Variants in MPPED1 observed in about 807,000 individuals in gnomAD.
MPPED1 encodes metallophosphoesterase domain-containing protein 1.
Under a neutral mutation model 36.2 loss-of-function variants are expected in MPPED1, and 16 were observed. The ratio of observed to expected loss-of-function variants is 0.44; its 90% CI spans 0.30 to 0.67. MPPED1 has a LOEUF of 0.67. MPPED1 is among the 30% of genes least tolerant of loss of function. The pLI is 0.10. For synonymous variants in MPPED1, 199 were observed against 191.3 expected (o/e 1.04, Z -0.33); for missense variants, 307 against 453.4 (o/e 0.68, Z 2.93).
At chr22:43,492,672 C>A (rs1569087554) in intron 4 of MPPED1, among the ~76,000 whole-genome samples, 1 of 152,192 alleles carries the variant, frequency 6.6e-6, no homozygotes. Context: ...CCCAGGCCCC[C>A]ACCTGTGCAA....
chr22:43,494,079 G>A (rs1932182887), intron 4 of MPPED1, among the ~76,000 whole-genome samples: 1 of 152,156 alleles, frequency 6.6e-6, no homozygotes, highest in South Asian at 2.1e-4. Context: ...TGTTGCCCAG[G>A]CTGGAGTGCA....
intron 1 of MPPED1, among the ~76,000 whole-genome samples, chr22:43,413,789 C>T (rs1380890495): frequency 6.6e-6 from 1 of 152,200 alleles, no homozygotes; most frequent in Non-Finnish European, 1.5e-5. Flanking sequence ...ACTGGAGGTA[C>T]ATTAATTGGG....
intron 3 of MPPED1, among the ~76,000 whole-genome samples, chr22:43,447,584 TA>T (rs1210218780): frequency 1.7e-4 from 26 of 151,824 alleles, no homozygotes; most frequent in Non-Finnish European, 2.9e-5. Flanking sequence ...GATCGCCACT[TA>T]GAGAGAGTGG....
At chr22:43,503,481 G>T (rs55813366) in intron 6 of MPPED1, among the ~76,000 whole-genome samples, 81,863 of 151,998 alleles carry the variant, frequency 0.54, 23,737 homozygotes, top group African/African-American at 0.72. Flanking sequence ...CCTGGCCTCC[G>T]GAACCTGTGT....
intron 2 of MPPED1, among the ~76,000 whole-genome samples, chr22:43,425,956 G>A (rs146073562): frequency 2.6e-5 from 4 of 152,288 alleles, no homozygotes; most frequent in Non-Finnish European, 5.9e-5. Flanking sequence ...TGGATTTCCC[G>A]AGGACCTGGA....
At chr22:43,468,026 G>A (rs1440855838) in intron 3 of MPPED1, among the ~76,000 whole-genome samples, 3 of 152,312 alleles carry the variant, frequency 2.0e-5, no homozygotes, top group East Asian at 1.9e-4. Context: ...CCTCTGCCCC[G>A]TGCGGCAGCT....
chr22:43,443,646 T>C (rs1250486414), intron 3 of MPPED1, among the ~76,000 whole-genome samples: 1 of 151,910 alleles, frequency 6.6e-6, no homozygotes. Flanking sequence ...GAAGACAAAT[T>C]TTATGATGTG....
At chr22:43,415,090 G>A (rs923669330) in intron 1 of MPPED1, among the ~76,000 whole-genome samples, 4 of 152,040 alleles carry the variant, frequency 2.6e-5, no homozygotes, top group East Asian at 1.9e-4. Context: ...GGGGCACTCC[G>A]AAAGCCATTC....
At chr22:43,478,430 G>A (rs1016986814) in intron 4 of MPPED1, among the ~76,000 whole-genome samples, 6 of 152,190 alleles carry the variant, frequency 3.9e-5, no homozygotes, top group Non-Finnish European at 8.8e-5. Flanking sequence ...TTACGTTCTC[G>A]TGGGAGACAG....
chr22:43,447,422 T>C (rs1165362338), intron 3 of MPPED1, among the ~76,000 whole-genome samples: 1 of 152,104 alleles, frequency 6.6e-6, no homozygotes, highest in African/African-American at 2.4e-5. Context: ...ATTAAAATAC[T>C]GTGTCCCCGC....
intron 5 of MPPED1, among the ~76,000 whole-genome samples, chr22:43,499,974 G>GTGGTGATGGTGA (rs1412067465): frequency 1.8e-5 from 2 of 113,054 alleles, no homozygotes. Flanking sequence ...GGTGATGGGG[G>GTGGTGATGGTGA]TGGTGGTGGT....
At chr22:43,448,013 G>T (rs1185414082) in intron 3 of MPPED1, among the ~76,000 whole-genome samples, 2 of 150,598 alleles carry the variant, frequency 1.3e-5, no homozygotes, top group African/African-American at 4.9e-5. Context: ...CAAGTAGCTG[G>T]GATTACAGGC....
intron 3 of MPPED1, among the ~76,000 whole-genome samples, chr22:43,472,408 C>T (rs561811859): frequency 3.3e-5 from 5 of 152,226 alleles, no homozygotes; most frequent in South Asian, 2.1e-4. Flanking sequence ...CCTGCAAGGT[C>T]GCTGTTACTT....
chr22:43,499,592 AGTGGAGGTGG>A (rs1932564311), intron 5 of MPPED1, among the ~76,000 whole-genome samples: 1 of 8,362 alleles, frequency 1.2e-4, no homozygotes, highest in Non-Finnish European at 2.2e-4. Flanking sequence ...TGGTGGTGGT[AGTGGAGGTGG>A]TGGTGGTGGT....
Position 43,444,348 on chromosome 22 carries a change from TTTTC to T in MPPED1, c.406+9139_406+9142del, listed in dbSNP as rs200852223. ...TCAAACATGTTATGCAGTGGTGTTT[TTTTC>T]TTTCTATCTATCTTTTTTTTTTTTT... On this transcript the variant is annotated intron_variant, in intron 3 of 6. Transcript: ENST00000443721. Among the ~76,000 whole-genome samples the T allele has an allele frequency of 6.2e-3, 924 of 150,040 alleles. 4 individuals are homozygous for T. Among genetic ancestry groups the T allele is most frequent in the Middle Eastern group, 0.01 (3 of 288 alleles).
At chr22:43,439,662 C>T (rs755019463) in intron 3 of MPPED1, among the ~76,000 whole-genome samples, 4 of 152,264 alleles carry the variant, frequency 2.6e-5, no homozygotes, top group South Asian at 2.1e-4. Flanking sequence ...AGTATTCCCA[C>T]GCAGTGCTTT....
At chr22:43,486,989 G>C (rs1249168357) in intron 4 of MPPED1, among the ~76,000 whole-genome samples, 1 of 152,182 alleles carries the variant, frequency 6.6e-6, no homozygotes, top group Non-Finnish European at 1.5e-5. Context: ...GGGACTCTGA[G>C]GTGAGGCTCC....
At position 43,502,453 on chromosome 22, in the gene MPPED1, C is replaced by T. The variant is rs547600606; in HGVS notation, c.749-191C>T. 7.2e-5 allele frequency among the ~76,000 whole-genome samples: 11 copies of T among 152,300 alleles called. No individual in the cohort carries two copies. In the South Asian group the frequency reaches 1.2e-3, roughly 17 times the overall value. On this transcript the variant is annotated intron_variant, in intron 5 of 6. Coordinates refer to ENST00000443721, the MANE Select transcript of MPPED1 (RefSeq NM_001044370.2). The surrounding 1 kb of genome is among the most constrained non-coding windows in gnomAD (Gnocchi z 5.5). The stretch of plus-strand genomic sequence containing the variant: ...GAGGAGGAGGGTGAGGCTGCAAGGT[C>T]CTGAATGGTTTCAGTCCCTGAAGCC...
At chr22:43,469,486 G>A (rs1232173441) in intron 3 of MPPED1, among the ~76,000 whole-genome samples, 1 of 152,278 alleles carries the variant, frequency 6.6e-6, no homozygotes, top group Non-Finnish European at 1.5e-5. Flanking sequence ...ACTGCAGGGC[G>A]ATGGGAACAC....
Sources: allele counts gnomAD v4.1 joint callset (sites outside exome capture counted in the v4.1 genomes callset), GRCh38; gene constraint gnomAD v4.1.1; non-coding constraint Gnocchi (gnomAD v3.1); transcripts MANE v1.5; gene names NCBI Gene and HGNC (gene_info 2026-07-23, HGNC 2026-07-21).